CFTR: variants seen among roughly 807,000 people sequenced by gnomAD.
CFTR encodes the protein CF transmembrane conductance regulator.
In CFTR, 181 loss-of-function variants were observed where a neutral mutation model predicts 171.6. The ratio of observed to expected loss-of-function variants is 1.05; its 90% CI spans 0.93 to 1.19. The LOEUF (loss-of-function observed/expected upper bound fraction) is 1.19, where lower values mean the gene tolerates loss of function less well. Among genes scored for constraint, CFTR ranks in the 50% most tolerant of loss-of-function variants. CFTR has a pLI of 0.00. For missense variants in CFTR, 1,968 were observed against 1,734.7 expected, an observed-to-expected ratio of 1.13 and a Z score of -2.39; for synonymous variants, 583 against 608.0, an observed-to-expected ratio of 0.96 and a Z score of 0.60.
At chr7:117,601,158 A>G (rs557301528) in intron 15 of CFTR, among the ~76,000 whole-genome samples, 1 of 152,132 alleles carries the variant, frequency 6.6e-6, no homozygotes, top group Non-Finnish European at 1.5e-5. Flanking sequence ...ATAACAAAAC[A>G]TAATAATAGC....
At chr7:117,596,428 C>T (rs1792126925) in intron 15 of CFTR, among the ~76,000 whole-genome samples, 1 of 152,234 alleles carries the variant, frequency 6.6e-6, no homozygotes, top group African/African-American at 2.4e-5. Context: ...CCCAAGCCTC[C>T]TGACGAGCAC....
At position 117,480,118 on chromosome 7, in the gene CFTR, G is replaced by A. The variant is rs1800071; in HGVS notation, c.24G>A (p.Lys8=). ...CCATGCAGAGGTCGCCTCTGGAAAA[G>A]GCCAGCGTTGTCTCCAAACTTTTTT... is the stretch of plus-strand genomic sequence containing the variant. MQRSPLE[K]ASVVSKLFFS... The change falls in exon 1 of 27, where the codon AAG becomes AAA. Residue 8 remains lysine, a synonymous_variant. Coordinates refer to ENST00000003084, the MANE Select transcript of CFTR (RefSeq NM_000492.4). 3.7e-6 allele frequency: 6 copies of A among 1,613,882 alleles called. No homozygotes were observed. Among genetic ancestry groups the A allele is most frequent in the Middle Eastern group, 1.7e-4 (1 of 6,056 alleles).
At chr7:117,598,829 T>C (rs1323373152) in intron 15 of CFTR, among the ~76,000 whole-genome samples, 2 of 152,186 alleles carry the variant, frequency 1.3e-5, no homozygotes, top group African/African-American at 2.4e-5. Flanking sequence ...TTCTCATTTA[T>C]ACAATGGAGA....
At chr7:117,511,262 G>T (rs1041508485) in intron 3 of CFTR, among the ~76,000 whole-genome samples, 4 of 152,046 alleles carry the variant, frequency 2.6e-5, no homozygotes, top group Non-Finnish European at 5.9e-5. Flanking sequence ...CTTATACCTG[G>T]GGGAGGAACT....
At chr7:117,595,462 C>A (rs1792105646) in intron 15 of CFTR, among the ~76,000 whole-genome samples, 1 of 150,152 alleles carries the variant, frequency 6.7e-6, no homozygotes, top group Non-Finnish European at 1.5e-5. Flanking sequence ...CAATTAGAAT[C>A]ACTGTTGATA....
At chr7:117,503,664 A>T (rs34654194) in intron 1 of CFTR, among the ~76,000 whole-genome samples, 1 of 152,158 alleles carries the variant, frequency 6.6e-6, no homozygotes, top group African/African-American at 2.4e-5. Flanking sequence ...GAGACAAAAC[A>T]TAAGAAAGTT....
chr7:117,504,568 A>G (rs1798385127), intron 2 of CFTR, among the ~76,000 whole-genome samples: 1 of 152,134 alleles, frequency 6.6e-6, no homozygotes, highest in African/African-American at 2.4e-5. Context: ...AGCCTGGGCA[A>G]CATAGCAAGA....
At chr7:117,522,073 T>C (rs1409212117) in intron 3 of CFTR, among the ~76,000 whole-genome samples, 1 of 152,162 alleles carries the variant, frequency 6.6e-6, no homozygotes, top group Non-Finnish European at 1.5e-5. Context: ...AAATTTTCCC[T>C]GGGAGGCTGA....
intron 23 of CFTR, among the ~76,000 whole-genome samples, chr7:117,648,024 G>GTGTA (rs1554395928): frequency 1.1e-4 from 16 of 145,520 alleles, no homozygotes; most frequent in African/African-American, 3.8e-4. Flanking sequence ...GTGTGTGTGT[G>GTGTA]TATATATATA....
At chr7:117,551,481 G>A (rs1429294860) in intron 10 of CFTR, among the ~76,000 whole-genome samples, 1 of 152,082 alleles carries the variant, frequency 6.6e-6, no homozygotes, top group Non-Finnish European at 1.5e-5. Context: ...TTACTTTACT[G>A]ATAAAGTAAT....
intron 3 of CFTR, among the ~76,000 whole-genome samples, chr7:117,522,702 A>G (rs1798702585): frequency 6.6e-6 from 1 of 152,192 alleles, no homozygotes; most frequent in Admixed American, 6.5e-5. Context: ...TACTCTGAGT[A>G]ATGGAGTACA....
chr7:117,573,228 T>TA (rs1049055881), intron 11 of CFTR, among the ~76,000 whole-genome samples: 4 of 152,180 alleles, frequency 2.6e-5, no homozygotes, highest in Non-Finnish European at 4.4e-5. Context: ...TATAAACATT[T>TA]ATGTGAAAAG....
chr7:117,613,999 C>CTTTTTTT (rs752774658), intron 20 of CFTR, among the ~76,000 whole-genome samples: 262 of 72,376 alleles, frequency 3.6e-3, no homozygotes, highest in Non-Finnish European at 4.4e-3. Flanking sequence ...GTACAGTAAT[C>CTTTTTTT]TTTTTTTTTT....
chr7:117,567,294 C>G (rs987527978), intron 11 of CFTR, among the ~76,000 whole-genome samples: 3 of 152,104 alleles, frequency 2.0e-5, no homozygotes, highest in South Asian at 2.1e-4. Context: ...ATAGAAGGAA[C>G]CTCAGAAATC....
At chr7:117,540,633 A>G (rs940070917) in intron 8 of CFTR, among the ~76,000 whole-genome samples, 1 of 152,240 alleles carries the variant, frequency 6.6e-6, no homozygotes, top group Non-Finnish European at 1.5e-5. Flanking sequence ...TTTTCAAGTG[A>G]TAAGACTCAA....
intron 3 of CFTR, among the ~76,000 whole-genome samples, chr7:117,518,374 A>G (rs759792057): frequency 1.4e-5 from 2 of 147,058 alleles, no homozygotes; most frequent in Non-Finnish European, 3.0e-5. Flanking sequence ...CTAAATAAAT[A>G]TATAATACTA....
intron 11 of CFTR, among the ~76,000 whole-genome samples, chr7:117,579,700 A>G (rs1203750032): frequency 2.6e-5 from 4 of 151,272 alleles, no homozygotes; most frequent in Non-Finnish European, 3.0e-5. Flanking sequence ...AGTGCCAAAA[A>G]ACCTAGCACA....
At chr7:117,650,270 C>T (rs1793070952) in intron 23 of CFTR, among the ~76,000 whole-genome samples, 1 of 152,108 alleles carries the variant, frequency 6.6e-6, no homozygotes, top group Non-Finnish European at 1.5e-5. Flanking sequence ...TGCCCTGCTC[C>T]AGATAGGACT....
chr7:117,666,809 C>G (rs1183711285), intron 26 of CFTR, 99 bp from the exon 27 acceptor site: 15 of 1,017,566 alleles, frequency 1.5e-5, no homozygotes, highest in Admixed American at 3.6e-5. Flanking sequence ...ACATTGCATT[C>G]TTTGACTTTT....
Sources: gnomAD v4.1 joint callset for allele counts (sites outside exome capture counted in the v4.1 genomes callset) on GRCh38, gnomAD v4.1.1 for gene constraint, MANE v1.5 for transcripts, NCBI Gene and HGNC (gene_info 2026-07-23, HGNC 2026-07-21) for gene names.